Variants in SPRED2 observed in about 807,000 individuals in gnomAD.
SPRED2 encodes sprouty related EVH1 domain containing 2.
Under a neutral mutation model 43.0 loss-of-function variants are expected in SPRED2, and 47 were observed. The ratio of observed to expected loss-of-function variants is 1.09; its 90% CI spans 0.87 to 1.40. The LOEUF is 1.40. Among genes scored for constraint, SPRED2 ranks in the 40% most tolerant of loss-of-function variants. The pLI, the probability that SPRED2 is intolerant of heterozygous loss-of-function variation, is 0.00. For missense variants in SPRED2, 561 were observed against 586.4 expected (o/e 0.96, Z 0.45); for synonymous variants, 225 against 225.7 (o/e 1.00, Z 0.03).
rs1553426622 is a variant in SPRED2, at chr2:65,401,937, GCACACACACA to G, written c.26+30015_26+30024del. Among the ~76,000 whole-genome samples, 69 of 114,762 alleles carry G rather than the reference GCACACACACA, an allele frequency of 6.0e-4. 2 individuals are homozygous for G. Among genetic ancestry groups the G allele is most frequent in the South Asian group, 2.9e-3 (11 of 3,824 alleles). 75.3% of individuals were successfully genotyped at this position (114,762 alleles called of 152,430 possible). On this transcript the variant is annotated intron_variant, in intron 1 of 5. Transcript: ENST00000356388. The stretch of plus-strand genomic sequence containing the variant: ...ACGATCAGAATATTAGCGCGCGCGC[GCACACACACA>G]CACACACACACACACACACACACAC...
chr2:65,311,752 A>G lies in SPRED2; in HGVS notation c.*1749T>C, dbSNP rs1673073188. 3 of 985,442 alleles carry G rather than the reference A, an allele frequency of 3.0e-6. No individual in the cohort carries two copies. The highest frequency in any genetic ancestry group is 3.6e-6 in the Non-Finnish European group (3 of 829,942). 61.0% of individuals were successfully genotyped at this position (985,442 alleles called of 1,614,324 possible). A position where few individuals can be genotyped will look rare whatever the true frequency, so the allele number is the denominator to read the frequency against. The stretch of plus-strand genomic sequence containing the variant: ...TGAAGACGTCTACTAACTGACTCAT[A>G]AGCACACTGGGTATTTACACCGGTA... On this transcript the variant is annotated 3_prime_UTR_variant, in exon 6 of 6. Coordinates refer to ENST00000356388, the MANE Select transcript of SPRED2 (RefSeq NM_181784.3).
chr2:65,397,438 C>T (rs1675782209), intron 1 of SPRED2, among the ~76,000 whole-genome samples: 1 of 152,116 alleles, frequency 6.6e-6, no homozygotes, highest in South Asian at 2.1e-4. Flanking sequence ...TTTACCTAAA[C>T]CCTACTAATC....
intron 4 of SPRED2, among the ~76,000 whole-genome samples, chr2:65,320,973 GACACCTAC>G (rs1673391570): frequency 6.6e-6 from 1 of 152,194 alleles, no homozygotes; most frequent in African/African-American, 2.4e-5. Flanking sequence ...ACAAGCTACT[GACACCTAC>G]CAACCTACCA....
chr2:65,366,894 C>T lies in SPRED2; in HGVS notation c.27-21998G>A, dbSNP rs1023334712. On this transcript the variant is annotated intron_variant, in intron 1 of 5. Transcript: ENST00000356388. ...CCTGACAGCTGACAGATGCGTTTTC[C>T]AATTAAAATATTGTTTTAAAAATTC... The T allele has an allele frequency of 9.2e-6, 6 of 651,894 alleles. No homozygotes were observed. In the Admixed American group the frequency reaches 2.7e-4, roughly 29 times the overall value. 40.4% of individuals were successfully genotyped at this position (651,894 alleles called of 1,614,324 possible).
downstream of SPRED2, among the ~76,000 whole-genome samples, chr2:65,309,031 C>T (rs571282554): frequency 1.1e-4 from 16 of 152,020 alleles, no homozygotes; most frequent in Admixed American, 7.9e-4. Flanking sequence ...TGGCGGGTGC[C>T]TGTAATTACA....
In SPRED2 at chr2:65,424,912, AAAAC is replaced by A. The variant is rs149016857; in HGVS notation, c.26+7046_26+7049del. ...GACAACAGATCAAGAGTCTGTTTCA[AAAAC>A]AAACAAACAAACAAACAAACCTATT... On this transcript the variant is annotated intron_variant, in intron 1 of 5. Transcript: ENST00000356388. Among the ~76,000 whole-genome samples the A allele has an allele frequency of 8.9e-3, 1,351 of 152,092 alleles. 18 individuals carry two copies. The highest frequency in any genetic ancestry group is 0.031 in the African/African-American group (1,270 of 41,364).
intron 2 of SPRED2, among the ~76,000 whole-genome samples, chr2:65,335,228 CT>C (rs1468108619): frequency 2.6e-5 from 4 of 152,166 alleles, no homozygotes; most frequent in South Asian, 4.2e-4. Context: ...CCTCTCCACT[CT>C]TTTTCTCTGG....
intron 2 of SPRED2, among the ~76,000 whole-genome samples, chr2:65,338,909 C>T (rs1330282563): frequency 6.6e-6 from 1 of 151,914 alleles, no homozygotes; most frequent in African/African-American, 2.4e-5. Flanking sequence ...CTCTGCCCGG[C>T]AGCCCATCGT....
intron 1 of SPRED2, among the ~76,000 whole-genome samples, chr2:65,401,619 C>T (rs1453197127): frequency 6.6e-6 from 1 of 151,546 alleles, no homozygotes; most frequent in African/African-American, 2.4e-5. Context: ...CACGGTGAAA[C>T]CCCGTCTCTA....
At chr2:65,335,601 T>C (rs1280304471) in intron 2 of SPRED2, among the ~76,000 whole-genome samples, 1 of 152,234 alleles carries the variant, frequency 6.6e-6, no homozygotes, top group Non-Finnish European at 1.5e-5. Context: ...AAGTTTTATA[T>C]GTACTCCAAT....
chr2:65,323,035 C>T (rs538652626), intron 4 of SPRED2, among the ~76,000 whole-genome samples: 1 of 152,346 alleles, frequency 6.6e-6, no homozygotes, highest in East Asian at 1.9e-4. Flanking sequence ...CGCTCTGTCG[C>T]CCAGGCTGGA....
chr2:65,351,416 C>T (rs111751298), intron 1 of SPRED2, among the ~76,000 whole-genome samples: 102 of 152,246 alleles, frequency 6.7e-4, no homozygotes, highest in South Asian at 2.7e-3. Context: ...TCTGATTACA[C>T]GGCTCCTTTA....
intron 1 of SPRED2, among the ~76,000 whole-genome samples, chr2:65,387,982 AG>A (rs1675540295): frequency 6.6e-6 from 1 of 152,136 alleles, no homozygotes; most frequent in Non-Finnish European, 1.5e-5. Flanking sequence ...CAGTAGAGAC[AG>A]GGTTTCACCA....
intron 1 of SPRED2, among the ~76,000 whole-genome samples, chr2:65,368,585 A>C (rs987826923): frequency 6.6e-6 from 1 of 152,232 alleles, no homozygotes; most frequent in African/African-American, 2.4e-5. Context: ...CAAAAATAAT[A>C]GCAATAATAA....
intron 1 of SPRED2, among the ~76,000 whole-genome samples, chr2:65,431,664 G>A (rs1676698269): frequency 6.6e-6 from 1 of 152,140 alleles, no homozygotes; most frequent in Non-Finnish European, 1.5e-5. Context: ...CGGGGGCGGG[G>A]GAGCTGTAAG....
intron 3 of SPRED2, chr2:65,334,373 C>G (rs1439926776): frequency 4.9e-6 from 3 of 616,700 alleles, no homozygotes; most frequent in Non-Finnish European, 9.1e-6. Context: ...TTTTTCACAG[C>G]AGAGTCTAAA....
At chr2:65,408,862 A>T (rs1676089158) in intron 1 of SPRED2, among the ~76,000 whole-genome samples, 1 of 152,202 alleles carries the variant, frequency 6.6e-6, no homozygotes, top group Non-Finnish European at 1.5e-5. Context: ...TACAAGCGTG[A>T]GCCACTGCAC....
chr2:65,409,814 T>A (rs1485242613), intron 1 of SPRED2, among the ~76,000 whole-genome samples: 1 of 150,760 alleles, frequency 6.6e-6, no homozygotes, highest in African/African-American at 2.4e-5. Flanking sequence ...GGCGGGCGGA[T>A]CACGAGGTCA....
At chr2:65,379,327 A>G (rs1161681995) in intron 1 of SPRED2, among the ~76,000 whole-genome samples, 1 of 152,142 alleles carries the variant, frequency 6.6e-6, no homozygotes, top group Non-Finnish European at 1.5e-5. Flanking sequence ...AGGGGTCTTA[A>G]GCAGTGAAAT....
Sources: allele counts gnomAD v4.1 joint callset (sites outside exome capture counted in the v4.1 genomes callset), GRCh38; gene constraint gnomAD v4.1.1; transcripts MANE v1.5; gene names NCBI Gene and HGNC (gene_info 2026-07-23, HGNC 2026-07-21).